SLC35F4: variants seen among roughly 807,000 people sequenced by gnomAD.
The protein encoded by SLC35F4 is chromosome 14 open reading frame 36.
In SLC35F4, 24 loss-of-function variants were observed where a neutral mutation model predicts 44.2. The observed-to-expected ratio is 0.54, with a 90% CI of 0.39 to 0.76. The LOEUF is 0.76. SLC35F4 is among the 30% of genes least tolerant of loss of function. The pLI, the probability that SLC35F4 is intolerant of heterozygous loss-of-function variation, is 0.00. For synonymous variants in SLC35F4, 238 were observed against 223.6 expected (o/e 1.06, Z -0.57); for missense variants, 562 against 586.1 (o/e 0.96, Z 0.42).
intron 1 of SLC35F4, among the ~76,000 whole-genome samples, chr14:57,694,238 A>G (rs1243315473): frequency 1.3e-5 from 2 of 152,174 alleles, no homozygotes; most frequent in Non-Finnish European, 2.9e-5. Context: ...CAAAGAATGG[A>G]TCCTTAAACT....
At chr14:57,861,632 T>C (rs1863782650) in intron 1 of SLC35F4, among the ~76,000 whole-genome samples, 1 of 152,222 alleles carries the variant, frequency 6.6e-6, no homozygotes, top group Non-Finnish European at 1.5e-5. Context: ...TTGTCAACAT[T>C]CTTGTCAAGA....
chr14:57,630,347 G>C (rs906194733), intron 1 of SLC35F4: 2 of 595,596 alleles, frequency 3.4e-6, no homozygotes, highest in East Asian at 3.0e-5. Context: ...ACAGTAGACC[G>C]ACTGGAAGAC....
At chr14:57,949,675 T>C (rs1234422990) in intron 1 of SLC35F4, among the ~76,000 whole-genome samples, 1 of 152,222 alleles carries the variant, frequency 6.6e-6, no homozygotes, top group Non-Finnish European at 1.5e-5. Flanking sequence ...GAGGTTTTCT[T>C]TGAGATTTGG....
chr14:57,668,427 T>A (rs1416237703), intron 1 of SLC35F4, among the ~76,000 whole-genome samples: 1 of 152,062 alleles, frequency 6.6e-6, no homozygotes, highest in Non-Finnish European at 1.5e-5. Context: ...CTGAATGGTA[T>A]TGCCTGGGTT....
chr14:57,932,324 A>T (rs1167995090), intron 1 of SLC35F4, among the ~76,000 whole-genome samples: 7 of 152,222 alleles, frequency 4.6e-5, no homozygotes, highest in African/African-American at 1.4e-4. Context: ...ATAAACCAAC[A>T]TAGACACCTG....
At chr14:57,720,414 T>A (rs1201521052) in intron 1 of SLC35F4, among the ~76,000 whole-genome samples, 2 of 152,188 alleles carry the variant, frequency 1.3e-5, no homozygotes, top group East Asian at 3.9e-4. Context: ...TAATATTAGT[T>A]CTTTCTTAAA....
At chr14:57,596,768 T>C (rs760262999) in intron 1 of SLC35F4, 1 of 1,363,428 alleles carries the variant, frequency 7.3e-7, no homozygotes, top group Non-Finnish European at 9.8e-7. Context: ...TTTCTCATTT[T>C]CACTAAAATA....
chr14:57,936,994 C>T (rs879885845), intron 1 of SLC35F4, among the ~76,000 whole-genome samples: 4 of 151,498 alleles, frequency 2.6e-5, no homozygotes, highest in East Asian at 1.9e-4. Context: ...GAACTTTACA[C>T]ATGTTACATT....
chr14:57,570,520 T>G (rs1321983684), intron 5 of SLC35F4, among the ~76,000 whole-genome samples: 3 of 152,184 alleles, frequency 2.0e-5, no homozygotes, highest in Non-Finnish European at 2.9e-5. Context: ...AAAGCAGTTT[T>G]TATATATTAT....
rs536826200 is a variant in SLC35F4, at chr14:57,797,922, A to G, written c.103+67801T>C. 2.0e-5 allele frequency among the ~76,000 whole-genome samples: 3 copies of G among 152,202 alleles called. No individual in the cohort carries two copies. The East Asian group carries it at 5.8e-4, about 29-fold the overall frequency. On this transcript the variant is annotated intron_variant, in intron 1 of 7. Transcript: ENST00000556826. ...GATATTAGTGAAAGTAATACAAAGT[A>G]GAGACATAAAATGTGCTTGTGCATT...
intron 1 of SLC35F4, among the ~76,000 whole-genome samples, chr14:57,620,540 G>C (rs2072121267): frequency 6.6e-6 from 1 of 152,076 alleles, no homozygotes; most frequent in African/African-American, 2.4e-5. Flanking sequence ...CCTGAAGGAA[G>C]CACTAAACAT....
intron 1 of SLC35F4, among the ~76,000 whole-genome samples, chr14:57,609,495 G>A (rs1290190814): frequency 6.6e-6 from 1 of 152,130 alleles, no homozygotes; most frequent in African/African-American, 2.4e-5. Flanking sequence ...CTGTTCCTTT[G>A]GTAAGCAAAA....
At position 57,934,393 on chromosome 14, in the gene SLC35F4, G is replaced by T. The variant is rs1254863698; in HGVS notation, n.282+47520C>A. Reference sequence around the variant, plus strand: ...CTAGATGTCTTCGAGAATACCTCCGGAACATGAAGCTACACATTTCATAAA... The same window carrying T: ...CTAGATGTCTTCGAGAATACCTCCGTAACATGAAGCTACACATTTCATAAA... On this transcript the variant is annotated intron_variant and non_coding_transcript_variant, in intron 1 of 1. Coordinates refer to the SLC35F4 transcript ENST00000556568. 2.7e-5 allele frequency among the ~76,000 whole-genome samples: 4 copies of T among 149,518 alleles called. 1 individual carries two copies. The highest frequency in any genetic ancestry group is 9.9e-5 in the African/African-American group (4 of 40,380).
intron 1 of SLC35F4, among the ~76,000 whole-genome samples, chr14:57,644,178 C>A (rs373653718): frequency 8.5e-5 from 13 of 152,148 alleles, no homozygotes; most frequent in Non-Finnish European, 1.9e-4. Context: ...TTCTAGATCC[C>A]TGAGGAATCG....
chr14:57,576,158 T>C (rs1279817417), intron 4 of SLC35F4, among the ~76,000 whole-genome samples: 1 of 152,190 alleles, frequency 6.6e-6, no homozygotes, highest in African/African-American at 2.4e-5. Context: ...ACCAGCTCTT[T>C]TAGGGTCCAA....
intron 1 of SLC35F4, among the ~76,000 whole-genome samples, chr14:57,931,308 C>T (rs1046043185): frequency 6.6e-6 from 1 of 152,230 alleles, no homozygotes; most frequent in African/African-American, 2.4e-5. Context: ...TTTATCCATA[C>T]ATCATACATC....
intron 5 of SLC35F4, among the ~76,000 whole-genome samples, chr14:57,570,421 G>T (rs1386466397): frequency 6.6e-6 from 1 of 152,178 alleles, no homozygotes; most frequent in South Asian, 2.1e-4. Flanking sequence ...GTTGTTGAGA[G>T]AAATAGTATT....
chr14:57,628,588 G>A (rs1486026829), intron 1 of SLC35F4, among the ~76,000 whole-genome samples: 3 of 149,582 alleles, frequency 2.0e-5, no homozygotes, highest in Non-Finnish European at 1.5e-5. Flanking sequence ...GAGAATGATG[G>A]TTTCCAGCTT....
chr14:57,732,727 A>G (rs1463057473), intron 1 of SLC35F4, among the ~76,000 whole-genome samples: 3 of 152,194 alleles, frequency 2.0e-5, no homozygotes, highest in African/African-American at 4.8e-5. Context: ...TGGGAATGCA[A>G]TAAGAAATCT....
Sources: gnomAD v4.1 joint callset for allele counts (sites outside exome capture counted in the v4.1 genomes callset) on GRCh38, gnomAD v4.1.1 for gene constraint, MANE v1.5 for transcripts, NCBI Gene and HGNC (gene_info 2026-07-23, HGNC 2026-07-21) for gene names.